The following WWOX variants were observed in gnomAD, a reference collection of about 807,000 sequenced individuals.
WWOX encodes WW domain-containing oxidoreductase.
A neutral mutation model predicts 46.2 loss-of-function variants in WWOX; 69 were observed. That is an observed-to-expected ratio of 1.49 (90% CI 1.23 to 1.82). WWOX has a LOEUF of 1.82. WWOX is among the 40% of genes most tolerant of loss of function. WWOX has a pLI of 0.00. For synonymous variants in WWOX, 359 were observed against 202.6 expected, an observed-to-expected ratio of 1.77 and a Z score of -6.56; for missense variants, 919 against 542.6, an observed-to-expected ratio of 1.69 and a Z score of -6.89.
intron 8 of WWOX, among the ~76,000 whole-genome samples, chr16:78,633,907 T>C (rs922400545): frequency 1.3e-5 from 2 of 151,832 alleles, no homozygotes; most frequent in African/African-American, 4.8e-5. Flanking sequence ...TTTTTTTTTT[T>C]TTTTTTAGAT....
intron 8 of WWOX, among the ~76,000 whole-genome samples, chr16:78,827,270 G>A (rs1374366187): frequency 1.3e-5 from 2 of 152,088 alleles, no homozygotes. Context: ...CCAAGTGCTG[G>A]GCTCTGTGAT....
At chr16:78,345,452 CGCTACCAAAAAAAAAAAAAAAA>C (rs2081076328) in intron 5 of WWOX, among the ~76,000 whole-genome samples, 1 of 39,462 alleles carries the variant, frequency 2.5e-5, no homozygotes, top group East Asian at 4.6e-4. Flanking sequence ...AAAACCCCAT[CGCTACCAAAAAAAAAAAAAAAA>C]AAAAAAAAAA....
intron 8 of WWOX, among the ~76,000 whole-genome samples, chr16:78,615,483 A>T (rs1055816380): frequency 6.6e-6 from 1 of 151,886 alleles, no homozygotes; most frequent in African/African-American, 2.4e-5. Context: ...ACCCATCTCT[A>T]CTATAAATTT....
At chr16:78,108,359 A>G (rs975587683) in intron 1 of WWOX, 64 bp from the exon 2 acceptor site, 5 of 1,523,084 alleles carry the variant, frequency 3.3e-6, no homozygotes, top group Non-Finnish European at 4.5e-6. Flanking sequence ...AATTTAATAC[A>G]ATTGATTACT....
intron 8 of WWOX, among the ~76,000 whole-genome samples, chr16:78,833,581 T>A (rs936015116): frequency 2.0e-5 from 3 of 152,214 alleles, no homozygotes; most frequent in African/African-American, 7.2e-5. Context: ...TTGTATCTGA[T>A]TTTTCATAGT....
At position 78,992,721 on chromosome 16, in the gene WWOX, A is replaced by G. The variant is rs2046912938; in HGVS notation, c.1057-218887A>G. Among the ~76,000 whole-genome samples, 3 of 152,222 alleles carry G rather than the reference A, an allele frequency of 2.0e-5. No homozygotes were observed. In the South Asian group the frequency reaches 6.2e-4, roughly 32 times the overall value. The stretch of plus-strand genomic sequence containing the variant: ...GATCACTTCATATGCATTAGCTGGA[A>G]GGTAGCAAGAGGAAATCGCCTGCCA... On this transcript the variant is annotated intron_variant, in intron 8 of 8. Transcript: ENST00000566780.
At chr16:79,076,331 T>G (rs958429589) in intron 8 of WWOX, among the ~76,000 whole-genome samples, 3 of 152,204 alleles carry the variant, frequency 2.0e-5, no homozygotes, top group African/African-American at 7.2e-5. Context: ...ATCTTGGGCC[T>G]TCTTGGAAAC....
At chr16:78,367,196 G>C (rs528768139) in intron 5 of WWOX, among the ~76,000 whole-genome samples, 1 of 151,928 alleles carries the variant, frequency 6.6e-6, no homozygotes, top group South Asian at 2.1e-4. Context: ...AGCCACTTTG[G>C]TCTCAATCTC....
intron 8 of WWOX, among the ~76,000 whole-genome samples, chr16:79,199,224 G>C (rs150555604): frequency 6.6e-6 from 1 of 152,080 alleles, no homozygotes; most frequent in Non-Finnish European, 1.5e-5. Flanking sequence ...CACCACGCCT[G>C]GCTAATTTTT....
chr16:78,182,124 A>C (rs752301581), intron 5 of WWOX, among the ~76,000 whole-genome samples: 2 of 152,228 alleles, frequency 1.3e-5, no homozygotes, highest in African/African-American at 4.8e-5. Flanking sequence ...TGCGAAAACC[A>C]TGTGACCTTC....
chr16:78,361,714 C>T (rs1171639181), intron 5 of WWOX, among the ~76,000 whole-genome samples: 2 of 152,058 alleles, frequency 1.3e-5, no homozygotes, highest in African/African-American at 2.4e-5. Context: ...TGTGTTCAGG[C>T]GATTCTCCCG....
At chr16:78,554,937 T>C (rs1316691930) in intron 8 of WWOX, among the ~76,000 whole-genome samples, 2 of 152,092 alleles carry the variant, frequency 1.3e-5, no homozygotes, top group Non-Finnish European at 2.9e-5. Context: ...TTTTGCTGCA[T>C]AGGCGGCCTG....
chr16:79,006,926 C>T lies in WWOX; in HGVS notation c.1057-204682C>T, dbSNP rs181391104. On this transcript the variant is annotated intron_variant, in intron 8 of 8. Transcript: ENST00000566780. ...CCACTGGATGACCCAGAATCATCTT[C>T]CTCTTTTAAGATCAGCTGATTAGCA... Among the ~76,000 whole-genome samples, 159 of 152,280 alleles carry T rather than the reference C, an allele frequency of 1.0e-3. 3 individuals carry two copies. In the Middle Eastern group the frequency reaches 0.017, roughly 16 times the overall value.
chr16:78,407,755 C>T (rs1402483322), intron 6 of WWOX, among the ~76,000 whole-genome samples: 2 of 152,144 alleles, frequency 1.3e-5, no homozygotes, highest in African/African-American at 4.8e-5. Context: ...TCCTGTAGAC[C>T]AAATGCCATA....
In WWOX at chr16:79,212,036, G is replaced by T; in HGVS notation, c.*240G>T. On this transcript the variant is annotated 3_prime_UTR_variant, in exon 9 of 9. Coordinates refer to ENST00000566780, the MANE Select transcript of WWOX (RefSeq NM_016373.4). ...TAGGTCTCTTTGCTTTCTGGTGGTG[G>T]CCTGTTTGAAAGTAAAAACCTGCTT... The T allele has an allele frequency of 2.0e-6, 3 of 1,536,264 alleles. No individual in the cohort carries two copies. Among genetic ancestry groups the T allele is most frequent in the Non-Finnish European group, 2.6e-6 (3 of 1,146,904 alleles).
At chr16:78,618,301 A>G (rs1287820449) in intron 8 of WWOX, among the ~76,000 whole-genome samples, 1 of 152,198 alleles carries the variant, frequency 6.6e-6, no homozygotes, top group African/African-American at 2.4e-5. Flanking sequence ...TAGAAATACC[A>G]CAGGTCAGGT....
chr16:79,001,188 G>T (rs1327993263), intron 8 of WWOX, among the ~76,000 whole-genome samples: 3 of 152,198 alleles, frequency 2.0e-5, no homozygotes, highest in Non-Finnish European at 4.4e-5. Context: ...TGAATAAAGG[G>T]CCTAGAAGAT....
intron 8 of WWOX, among the ~76,000 whole-genome samples, chr16:78,450,072 G>C (rs902401083): frequency 6.6e-6 from 1 of 151,986 alleles, no homozygotes; most frequent in Non-Finnish European, 1.5e-5. Context: ...TAGAAAATAG[G>C]TTTGAGATTG....
At chr16:78,520,436 G>A (rs1444019206) in intron 8 of WWOX, among the ~76,000 whole-genome samples, 1 of 152,206 alleles carries the variant, frequency 6.6e-6, no homozygotes, top group African/African-American at 2.4e-5. Context: ...CAGGTGGAAA[G>A]CCCATCAGTT....
Sources: allele counts gnomAD v4.1 joint callset (sites outside exome capture counted in the v4.1 genomes callset), GRCh38; gene constraint gnomAD v4.1.1; transcripts MANE v1.5; gene names NCBI Gene and HGNC (gene_info 2026-07-23, HGNC 2026-07-21).